Variants in PLPPR5 observed in about 807,000 individuals in gnomAD.
PLPPR5 encodes the protein phospholipid phosphatase related 5, also known as phospholipid phosphatase-related protein type 5.
In PLPPR5, 16 loss-of-function variants were observed where a neutral mutation model predicts 33.9. The ratio of observed to expected loss-of-function variants is 0.47; its 90% CI spans 0.32 to 0.72. PLPPR5 has a LOEUF of 0.72. PLPPR5 is among the 30% of genes least tolerant of loss of function. The pLI is 0.03. For missense variants in PLPPR5, 301 were observed against 406.7 expected, an observed-to-expected ratio of 0.74 and a Z score of 2.23; for synonymous variants, 163 against 150.3, an observed-to-expected ratio of 1.08 and a Z score of -0.62.
intron 1 of PLPPR5, among the ~76,000 whole-genome samples, chr1:98,969,927 T>C (rs1382816334): frequency 6.6e-6 from 1 of 151,960 alleles, no homozygotes; most frequent in African/African-American, 2.4e-5. Context: ...TTCAAGAAAA[T>C]AGGCTTTTGA....
At chr1:98,912,615 G>A (rs1181049883) in intron 5 of PLPPR5, among the ~76,000 whole-genome samples, 1 of 152,180 alleles carries the variant, frequency 6.6e-6, no homozygotes, top group Non-Finnish European at 1.5e-5. Context: ...ACACCTAACT[G>A]CAAGGGAAGC....
At chr1:98,930,576 T>G (rs903416278) in intron 3 of PLPPR5, among the ~76,000 whole-genome samples, 1 of 152,152 alleles carries the variant, frequency 6.6e-6, no homozygotes, top group African/African-American at 2.4e-5. Context: ...TGCAGCACAT[T>G]ATAGGTTTGT....
intron 1 of PLPPR5, among the ~76,000 whole-genome samples, chr1:99,001,671 G>GAGAGATATATATATAT (rs1553173331): frequency 9.8e-6 from 1 of 102,196 alleles, no homozygotes; most frequent in African/African-American, 3.9e-5. Flanking sequence ...GAAAGTTAAA[G>GAGAGATATATATATAT]ATATATATAT....
chr1:99,004,213 C>G, intron 1 of PLPPR5: 1 of 551,868 alleles, frequency 1.8e-6, no homozygotes, highest in Non-Finnish European at 3.2e-6. Context: ...ACGCTGAAGC[C>G]ACCGCGGGGT....
chr1:98,958,363 C>CT (rs1208360768), intron 1 of PLPPR5, among the ~76,000 whole-genome samples: 1 of 151,914 alleles, frequency 6.6e-6, no homozygotes, highest in East Asian at 1.9e-4. Flanking sequence ...TACCTCTTCA[C>CT]TTTCATCCTT....
intron 4 of PLPPR5, among the ~76,000 whole-genome samples, chr1:98,921,478 A>C (rs999645721): frequency 6.6e-6 from 1 of 152,188 alleles, no homozygotes; most frequent in Non-Finnish European, 1.5e-5. Context: ...TCTTTAAAAA[A>C]TATCCAAACC....
At chr1:98,936,157 T>C (rs986727018) in intron 3 of PLPPR5, among the ~76,000 whole-genome samples, 2 of 152,186 alleles carry the variant, frequency 1.3e-5, no homozygotes, top group Non-Finnish European at 2.9e-5. Flanking sequence ...CCTATGGAAT[T>C]TGACTATAAG....
intron 1 of PLPPR5, among the ~76,000 whole-genome samples, chr1:98,982,684 G>A (rs907906558): frequency 6.6e-6 from 1 of 152,022 alleles, no homozygotes; most frequent in African/African-American, 2.4e-5. Context: ...TGAATTAAAT[G>A]TGTTGTAATT....
At chr1:98,930,813 G>A (rs1347007110) in intron 3 of PLPPR5, among the ~76,000 whole-genome samples, 7 of 151,996 alleles carry the variant, frequency 4.6e-5, no homozygotes. Context: ...CAAGGCTTGC[G>A]ATTACCCTCC....
At chr1:98,986,776 A>G (rs540167670) in intron 1 of PLPPR5, among the ~76,000 whole-genome samples, 57 of 151,952 alleles carry the variant, frequency 3.8e-4, no homozygotes, top group African/African-American at 1.3e-3. Context: ...ACACTGATGC[A>G]AAATTAAAAT....
intron 3 of PLPPR5, among the ~76,000 whole-genome samples, chr1:98,936,438 C>A (rs1163584496): frequency 6.6e-6 from 1 of 152,194 alleles, no homozygotes; most frequent in Non-Finnish European, 1.5e-5. Context: ...TCTCCAAACC[C>A]AACCCAGTTG....
At chr1:98,923,334 G>C (rs115170784) in intron 3 of PLPPR5, among the ~76,000 whole-genome samples, 1 of 152,046 alleles carries the variant, frequency 6.6e-6, no homozygotes, top group African/African-American at 2.4e-5. Flanking sequence ...TGGTATAAAC[G>C]TCAATAAGTA....
chr1:98,934,133 G>A (rs1231825870), intron 3 of PLPPR5, among the ~76,000 whole-genome samples: 3 of 152,204 alleles, frequency 2.0e-5, no homozygotes, highest in African/African-American at 7.2e-5. Flanking sequence ...TGGGATAAAT[G>A]TCCATGGGAA....
At chr1:98,915,046 A>T (rs1649294832) in intron 4 of PLPPR5, 126 bp from the exon 5 acceptor site, 2 of 761,086 alleles carry the variant, frequency 2.6e-6, no homozygotes, top group East Asian at 5.5e-5. Context: ...TTACACGTAT[A>T]TGAATTTATA....
intron 5 of PLPPR5, among the ~76,000 whole-genome samples, chr1:98,908,106 C>T (rs17119203): frequency 0.2 from 29,795 of 151,662 alleles, 3,135 homozygotes; most frequent in African/African-American, 0.22. Context: ...GGTGTTGAGA[C>T]GTTCTGTAAA....
chr1:98,922,673 GC>G (rs1307586777), intron 3 of PLPPR5, among the ~76,000 whole-genome samples: 1 of 152,146 alleles, frequency 6.6e-6, no homozygotes, highest in Non-Finnish European at 1.5e-5. Context: ...CATTTTATCA[GC>G]CAGAATTAGG....
chr1:98,904,722 A>C (rs1169443651), intron 5 of PLPPR5, among the ~76,000 whole-genome samples: 1 of 152,166 alleles, frequency 6.6e-6, no homozygotes, highest in Non-Finnish European at 1.5e-5. Context: ...TGTTGGGGTG[A>C]CTGCAGTCTG....
chr1:99,004,743 C>G lies in PLPPR5; in HGVS notation c.-72G>C, dbSNP rs1207856285. ...GCGGTGGGCCCCCTCCCCGGTCCGCCGAGGCAGCCACCGGGGGCGCGGCGG... is the reference window on the plus strand; with the variant it reads ...GCGGTGGGCCCCCTCCCCGGTCCGCGGAGGCAGCCACCGGGGGCGCGGCGG... On this transcript the variant is annotated 5_prime_UTR_variant, in exon 1 of 6. Coordinates refer to ENST00000263177, the MANE Select transcript of PLPPR5 (RefSeq NM_001037317.2). 3.8e-6 allele frequency: 4 copies of G among 1,059,638 alleles called. No individual in the cohort carries two copies. The highest frequency in any genetic ancestry group is 4.6e-5 in the South Asian group (1 of 21,738). 65.6% of individuals were successfully genotyped at this position (1,059,638 alleles called of 1,614,324 possible). A position where few individuals can be genotyped will look rare whatever the true frequency, so the allele number is the denominator to read the frequency against.
At chr1:98,954,838 C>T (rs1010388863) in intron 2 of PLPPR5, among the ~76,000 whole-genome samples, 3 of 152,110 alleles carry the variant, frequency 2.0e-5, no homozygotes, top group Non-Finnish European at 2.9e-5. Flanking sequence ...ACCTAAATCA[C>T]AAGTCTTCTT....
Sources: gnomAD v4.1 joint callset for allele counts (sites outside exome capture counted in the v4.1 genomes callset) on GRCh38, gnomAD v4.1.1 for gene constraint, MANE v1.5 for transcripts, NCBI Gene and HGNC (gene_info 2026-07-23, HGNC 2026-07-21) for gene names.